The following NEB variants were observed in gnomAD, a reference collection of about 807,000 sequenced individuals.
NEB encodes the protein nemaline myopathy type 2.
A neutral mutation model predicts 952.2 loss-of-function variants in NEB; 512 were observed. The ratio of observed to expected loss-of-function variants is 0.54; its 90% CI spans 0.50 to 0.58. NEB has a LOEUF of 0.58. Ranked by LOEUF, NEB falls within the 20% of genes least tolerant of loss-of-function variation. The pLI is 0.00. For synonymous variants in NEB, 2,900 were observed against 3,149.8 expected (o/e 0.92, Z 2.66); for missense variants, 8,428 against 9,231.1 (o/e 0.91, Z 3.56).
chr2:151,537,477 C>T (rs2093376645), intron 140 of NEB, among the ~76,000 whole-genome samples: 1 of 152,120 alleles, frequency 6.6e-6, no homozygotes. Context: ...AACAGGCATA[C>T]TTTCCTAGAT....
rs762704467 is a variant in NEB at position 151,697,212 on chromosome 2, C to T, written c.1406G>A (p.Gly469Asp). The change falls in exon 16 of 182, where the codon GGC becomes GAC. Residue 469 changes from glycine to aspartate, a missense_variant. This residue lies in a region of NEB where 2,851 missense variants were observed against 2,791.5 expected (regional missense o/e 1.02). Coordinates refer to ENST00000397345, the MANE Select transcript of NEB (RefSeq NM_001164508.2). Reference sequence around the variant, plus strand: ...TTGAGTTATGGTCTGAGGGAAGAAGCCTTTGCCTCTGTCTTCTTCGTATTC... The same window carrying T: ...TTGAGTTATGGTCTGAGGGAAGAAGTCTTTGCCTCTGTCTTCTTCGTATTC... ...KAEYEEDRGK[G>D]FFPQTITQEY... The T allele has an allele frequency of 6.2e-7, 1 of 1,613,800 alleles. No homozygotes were observed. Among genetic ancestry groups the T allele is most frequent in the Admixed American group, 1.7e-5 (1 of 60,020 alleles).
rs374553944 is a variant in NEB at position 151,565,618 on chromosome 2, G to A, written c.18262-13C>T. On this transcript the variant is annotated splice_polypyrimidine_tract_variant and intron_variant, in intron 115 of 181. Transcript: ENST00000397345. Reference sequence around the variant, plus strand: ...TCTTATATTTGATCTGTAAAGAAACGGAGACAATTAAGACAGGTCTACCAC... The same window carrying A: ...TCTTATATTTGATCTGTAAAGAAACAGAGACAATTAAGACAGGTCTACCAC... 1.8e-4 allele frequency: 289 copies of A among 1,574,000 alleles called. 2 individuals carry two copies. In the African/African-American group the frequency reaches 3.5e-3, roughly 19 times the overall value.
At position 151,607,517 on chromosome 2, in the gene NEB, A is replaced by C. The variant is rs1243883293; in HGVS notation, c.12626T>G (p.Leu4209Trp). The C allele has an allele frequency of 3.6e-6, 2 of 548,198 alleles. 1 individual carries two copies. Among genetic ancestry groups the C allele is most frequent in the Non-Finnish European group, 6.3e-6 (2 of 316,382 alleles). The allele number at this position is 548,198 out of a possible 1,614,324, so 34.0% of individuals were successfully genotyped here. A position where few individuals can be genotyped will look rare whatever the true frequency, so the allele number is the denominator to read the frequency against. ...CGTGCCACTTACATTGCTGATTTGC[A>C]AGGCATTGATGTGGGCCTGCAGCAT... is the stretch of plus-strand genomic sequence containing the variant. ...PEMLQAHINA[L>W]QISNKLYQKD... The change falls in exon 83 of 182, where the codon TTG becomes TGG. Residue 4209 changes from leucine (L) to tryptophan (W), a missense_variant. Transcript: ENST00000397345.
intron 28 of NEB, among the ~76,000 whole-genome samples, chr2:151,684,497 C>A (rs1437484874): frequency 6.6e-6 from 1 of 152,116 alleles, no homozygotes; most frequent in Non-Finnish European, 1.5e-5. Flanking sequence ...GCATTTACAT[C>A]CTCCAAACAA....
At chr2:151,718,554 AC>A (rs1485572838) in intron 9 of NEB, among the ~76,000 whole-genome samples, 1 of 152,166 alleles carries the variant, frequency 6.6e-6, no homozygotes, top group Non-Finnish European at 1.5e-5. Flanking sequence ...AAGAAACGCT[AC>A]ACACTTATCT....
At chr2:151,534,209 C>G in intron 142 of NEB, 2 of 1,611,170 alleles carry the variant, frequency 1.2e-6, no homozygotes, top group South Asian at 2.2e-5. Flanking sequence ...AGCCCCATCA[C>G]AGTACCTGAC....
At position 151,710,542 on chromosome 2, in the gene NEB, G is replaced by GA. The variant is rs2099741802; in HGVS notation, c.823-5dup. The GA allele has an allele frequency of 2.0e-6, 3 of 1,534,748 alleles. No individual in the cohort carries two copies. The highest frequency in any genetic ancestry group is 2.4e-5 in the South Asian group (2 of 83,454). On this transcript the variant is annotated splice_region_variant and splice_polypyrimidine_tract_variant and intron_variant, in intron 10 of 181. Transcript: ENST00000397345. Reference sequence around the variant, plus strand: ...CATAGTCTTCTTTGTATTTTTGCTAGAAAAAAGAAAAAGAAAATAAGACAA... The same window carrying GA: ...CATAGTCTTCTTTGTATTTTTGCTAGAAAAAAAGAAAAAGAAAATAAGACAA...
chr2:151,654,070 A>G lies in NEB; in HGVS notation c.6837T>C (p.Ala2279=), dbSNP rs1046530791. The part of the protein sequence containing the change: ...QKLYKLGWEE[A]LKKGYDLPVD... Reference sequence around the variant, plus strand: ...CTGGGAGATCATAGCCTTTCTTCAAAGCTTCTTCCCATCCAAGTTTATAGA... The same window carrying G: ...CTGGGAGATCATAGCCTTTCTTCAAGGCTTCTTCCCATCCAAGTTTATAGA... Residue 2279 remains alanine, a synonymous_variant, in exon 52 of 182, where the codon GCT becomes GCC. Transcript: ENST00000397345. The G allele has an allele frequency of 6.2e-7, 1 of 1,609,990 alleles. No individual in the cohort carries two copies. The highest frequency in any genetic ancestry group is 1.3e-5 in the African/African-American group (1 of 74,890).
intron 159 of NEB, among the ~76,000 whole-genome samples, chr2:151,514,077 AAAT>A (rs777698517): frequency 1.6e-4 from 24 of 152,352 alleles, no homozygotes; most frequent in South Asian, 6.2e-4. Context: ...AAGTTAAATC[AAAT>A]AATATTAGAT....
chr2:151,714,313 C>T (rs541070338), intron 10 of NEB, among the ~76,000 whole-genome samples: 9 of 152,272 alleles, frequency 5.9e-5, no homozygotes, highest in South Asian at 2.1e-4. Context: ...AACCATTGTT[C>T]GCTTTGTGGG....
chr2:151,724,835 G>A, intron 7 of NEB, 22 bp downstream of exon 7: 2 of 1,587,802 alleles, frequency 1.3e-6, no homozygotes, highest in Non-Finnish European at 1.7e-6. Context: ...GAGTACCCCA[G>A]CCATCCATAT....
Position 151,544,577 on chromosome 2 carries a change from G to A in NEB, c.20577+1311C>T, listed in dbSNP as rs973266179. Among the ~76,000 whole-genome samples the A allele has an allele frequency of 2.0e-5, 3 of 152,178 alleles. No individual in the cohort carries two copies. The East Asian group carries it at 5.8e-4, about 29-fold the overall frequency. On this transcript the variant is annotated intron_variant, in intron 135 of 181. Coordinates refer to ENST00000397345, the MANE Select transcript of NEB (RefSeq NM_001164508.2). Reference sequence around the variant, plus strand: ...TTAGCAGGATAAAAATAACGTAAGCGTTCTAGTCTGAGTGCGAGTGCGGGC... The same window carrying A: ...TTAGCAGGATAAAAATAACGTAAGCATTCTAGTCTGAGTGCGAGTGCGGGC...
chr2:151,501,352 A>G, intron 168 of NEB, 39 bp downstream of exon 168: 1 of 1,301,562 alleles, frequency 7.7e-7, no homozygotes, highest in South Asian at 1.3e-5. Context: ...AGAAATTATT[A>G]TTTTTTAATA....
At chr2:151,662,080 T>C in intron 46 of NEB, 55 bp downstream of exon 46, 1 of 1,464,042 alleles carries the variant, frequency 6.8e-7, no homozygotes, top group Non-Finnish European at 9.3e-7. Flanking sequence ...TAAATGTAAA[T>C]TATACCTGGA....
chr2:151,544,983 T>C (rs2094507328), intron 135 of NEB, among the ~76,000 whole-genome samples: 1 of 152,190 alleles, frequency 6.6e-6, no homozygotes, highest in Non-Finnish European at 1.5e-5. Context: ...AACATGCACA[T>C]CTATTATGGC....
At chr2:151,667,526 T>C (rs1356551759) in intron 40 of NEB, among the ~76,000 whole-genome samples, 5 of 152,084 alleles carry the variant, frequency 3.3e-5, no homozygotes, top group Admixed American at 3.3e-4. Context: ...ATCTTATACA[T>C]CACATATAGA....
chr2:151,720,951 T>C (rs1266625479), intron 9 of NEB, among the ~76,000 whole-genome samples: 1 of 152,204 alleles, frequency 6.6e-6, no homozygotes, highest in Non-Finnish European at 1.5e-5. Context: ...TGCCTTGATC[T>C]GAAGTTTCCT....
rs780754459 is a variant in NEB at position 151,551,739 on chromosome 2, G to A, written c.19943C>T (p.Ser6648Leu). The change falls in exon 129 of 182, where the codon TCG becomes TTG. Residue 6648 changes from serine (S) to leucine (L), a missense_variant and splice_region_variant. Physicochemically the swap from Ser to Leu is moderately radical, Grantham distance 145. This residue lies in a region of NEB where 3,374 missense variants were observed against 3,651.5 expected (regional missense o/e 0.92). Transcript: ENST00000397345. ...CACTCTCAAGTTCTCACTGCTCACC[G>A]AACTCTGGAGCTTGTATGCATGAAG... Reference protein sequence around the residue: ...RALHAYKLQSSNLYKTSLRTL... With the variant: ...RALHAYKLQSLNLYKTSLRTL... The A allele has an allele frequency of 2.2e-5, 35 of 1,612,598 alleles. No individual in the cohort carries two copies. The highest frequency in any genetic ancestry group is 1.7e-4 in the Middle Eastern group (1 of 6,052).
At chr2:151,680,660 G>C in intron 30 of NEB, 70 bp downstream of exon 30, 2 of 1,139,106 alleles carry the variant, frequency 1.8e-6, no homozygotes, top group Non-Finnish European at 2.6e-6. Context: ...GAGGTGATCA[G>C]TACATTTGAA....
Sources: allele counts gnomAD v4.1 joint callset (sites outside exome capture counted in the v4.1 genomes callset), GRCh38; gene constraint gnomAD v4.1.1; regional missense constraint gnomAD v4.1.1; transcripts MANE v1.5; gene names NCBI Gene and HGNC (gene_info 2026-07-23, HGNC 2026-07-21).